The following SLC46A1 variants were observed in gnomAD, a reference collection of about 807,000 sequenced individuals.
SLC46A1 encodes solute carrier family 46 member 1, also known as proton-coupled folate transporter.
In SLC46A1, 17 loss-of-function variants were observed where a neutral mutation model predicts 32.1. The ratio of observed to expected loss-of-function variants is 0.53; its 90% CI spans 0.36 to 0.79. SLC46A1 has a LOEUF of 0.79. Among genes scored for constraint, SLC46A1 ranks in the 30% least tolerant of loss-of-function variants. SLC46A1 has a pLI of 0.00. For missense variants in SLC46A1, 517 were observed against 588.2 expected (o/e 0.88, Z 1.25); for synonymous variants, 240 against 262.7 (o/e 0.91, Z 0.84).
intron 3 of SLC46A1, chr17:28,402,022 G>A (rs1306442293): frequency 1.2e-5 from 6 of 504,894 alleles, no homozygotes; most frequent in Non-Finnish European, 2.1e-5. Flanking sequence ...GTGCTCTGCT[G>A]ACTGCAAATC....
At chr17:28,403,319 C>G (rs1043211623) in intron 2 of SLC46A1, 2 of 152,240 alleles carry the variant, frequency 1.3e-5, no homozygotes, top group South Asian at 2.1e-4. Flanking sequence ...CATAGGGACA[C>G]AGCAAATGGG....
Position 28,405,896 on chromosome 17 carries a change from G to T in SLC46A1, c.219C>A (p.Pro73=), listed in dbSNP as rs997537374. Residue 73 remains proline, a synonymous_variant, in exon 1 of 5, where the codon CCC becomes CCA. Coordinates refer to ENST00000612814, the MANE Select transcript of SLC46A1 (RefSeq NM_080669.6). ...CTCGCCGCCCCGCTACCTGCATGGT[G>T]GGGTCCGCGCTGCGGTTGCTGCAGC... ...RGGCSNRSAD[P]TMQEVETLTS... is the part of the protein sequence containing the mutation. The T allele has an allele frequency of 6.3e-7, 1 of 1,593,020 alleles. No homozygotes were observed. Among genetic ancestry groups the T allele is most frequent in the East Asian group, 2.3e-5 (1 of 43,932 alleles).
At chr17:28,400,221 A>G (rs1217464676) in intron 4 of SLC46A1, 11 of 260,196 alleles carry the variant, frequency 4.2e-5, no homozygotes, top group African/African-American at 2.4e-4. Context: ...AATATCATAC[A>G]GGAAAAAGTC....
chr17:28,402,407 C>T, intron 2 of SLC46A1, 86 bp from the exon 3 acceptor site: 5 of 1,179,772 alleles, frequency 4.2e-6, no homozygotes, highest in Non-Finnish European at 6.2e-6. Flanking sequence ...TATCCATACC[C>T]CACGTGGGGC....
At position 28,395,713 on chromosome 17, in the gene SLC46A1, A is replaced by C; in HGVS notation, c.*3943T>G. The C allele has an allele frequency of 5.1e-6, 3 of 593,464 alleles. No individual in the cohort carries two copies. Among genetic ancestry groups the C allele is most frequent in the East Asian group, 2.9e-5 (1 of 34,680 alleles). 36.8% of individuals were successfully genotyped at this position (593,464 alleles called of 1,614,324 possible). On this transcript the variant is annotated 3_prime_UTR_variant, in exon 5 of 5. Coordinates refer to ENST00000612814, the MANE Select transcript of SLC46A1 (RefSeq NM_080669.6). ...AGGGTTTTAGCAGCTCTGTGCCAGG[A>C]ACTCTGGGCAAAGGAAAAATATTTA...
Position 28,396,571 on chromosome 17 carries a change from G to T in SLC46A1, c.*3085C>A. The T allele has an allele frequency of 2.3e-6, 1 of 439,660 alleles. No homozygotes were observed. The highest frequency in any genetic ancestry group is 4.1e-6 in the Non-Finnish European group (1 of 241,746). The allele number at this position is 439,660 out of a possible 1,614,324, so 27.2% of individuals were successfully genotyped here. On this transcript the variant is annotated 3_prime_UTR_variant, in exon 5 of 5. Transcript: ENST00000612814. ...ATGGGGAGGGTCCCTGCTCAGTTCT[G>T]GAGACACTGGAGTTGGGGTGGGGGT... is the stretch of plus-strand genomic sequence containing the variant.
In SLC46A1 at chr17:28,404,857, C is replaced by T. The variant is rs1555590533; in HGVS notation, c.840G>A (p.Val280=). ...TTAAGATGTCCTGGGCCCCAAAGTG[C>T]ACAGTGATCACCACGAAGATGGCCA... ...YSLAIFVVIT[V]HFGAQDILTL... is the part of the protein sequence containing the mutation. Residue 280 remains valine (V), a synonymous_variant, in exon 2 of 5, where the codon GTG becomes GTA. Coordinates refer to ENST00000612814, the MANE Select transcript of SLC46A1 (RefSeq NM_080669.6). 6.2e-7 allele frequency: 1 copy of T among 1,613,994 alleles called. No homozygotes were observed. The highest frequency in any genetic ancestry group is 1.1e-5 in the South Asian group (1 of 91,088).
chr17:28,406,135 T>C lies in SLC46A1; in HGVS notation c.-21A>G. 7.3e-7 allele frequency: 1 copy of C among 1,366,046 alleles called. No individual in the cohort carries two copies. Among genetic ancestry groups the C allele is most frequent in the Non-Finnish European group, 9.4e-7 (1 of 1,062,336 alleles). 84.6% of individuals were successfully genotyped at this position (1,366,046 alleles called of 1,614,324 possible). Reference sequence around the variant, plus strand: ...TCCATGTGCGTGCGCGGCGGAGCTGTCGCCAGGCGGGCGGCGGGGCGCGCG... The same window carrying C: ...TCCATGTGCGTGCGCGGCGGAGCTGCCGCCAGGCGGGCGGCGGGGCGCGCG... On this transcript the variant is annotated 5_prime_UTR_variant, in exon 1 of 5. Coordinates refer to ENST00000612814, the MANE Select transcript of SLC46A1 (RefSeq NM_080669.6). The surrounding 1 kb of genome is among the most constrained non-coding windows in gnomAD (Gnocchi z 4.5).
rs2068242036 is a variant in SLC46A1, at chr17:28,405,140, GC to G, written c.556del (p.Ala186ProfsTer34). The G allele has an allele frequency of 6.2e-7, 1 of 1,612,328 alleles. No homozygotes were observed. Among genetic ancestry groups the G allele is most frequent in the Non-Finnish European group, 8.5e-7 (1 of 1,179,020 alleles). On this transcript the variant is annotated frameshift_variant, in exon 2 of 5. Transcript: ENST00000612814. LOFTEE classifies it high-confidence loss of function. ...SRTFRMALLEASIGVAGMLAS... is the reference protein window; with the variant it reads ...SRTFRMALLEXSIGVAGMLAS... Reference sequence around the variant, plus strand: ...CAGCATCCCAGCCACCCCGATGCTGGCTTCCAGCAGGGCCATCCGGAAGGTG... The same window carrying G: ...CAGCATCCCAGCCACCCCGATGCTGGTTCCAGCAGGGCCATCCGGAAGGTG...
Position 28,396,789 on chromosome 17 carries a change from T to G in SLC46A1, c.*2867A>C. 1 of 157,822 alleles carries G rather than the reference T, an allele frequency of 6.3e-6. No homozygotes were observed. Among genetic ancestry groups the G allele is most frequent in the Non-Finnish European group, 1.4e-5 (1 of 71,540 alleles). The allele number at this position is 157,822 out of a possible 1,614,324, so 9.8% of individuals were successfully genotyped here. A position where few individuals can be genotyped will look rare whatever the true frequency, so the allele number is the denominator to read the frequency against. ...CTCAGACTGTGCCTGGCCCCTGCAC[T>G]TACAACTTCCTGCCGCTCTGTGGCC... On this transcript the variant is annotated 3_prime_UTR_variant, in exon 5 of 5. Coordinates refer to ENST00000612814, the MANE Select transcript of SLC46A1 (RefSeq NM_080669.6).
At position 28,398,711 on chromosome 17, in the gene SLC46A1, T is replaced by A. The variant is rs1392752626; in HGVS notation, c.*945A>T. The A allele has an allele frequency of 6.6e-6, 1 of 152,308 alleles. No individual in the cohort carries two copies. The highest frequency in any genetic ancestry group is 1.9e-4 in the East Asian group (1 of 5,206). 9.4% of individuals were successfully genotyped at this position (152,308 alleles called of 1,614,324 possible). On this transcript the variant is annotated 3_prime_UTR_variant, in exon 5 of 5. Transcript: ENST00000612814. ...CTCATTCATCCTTTCCCCAGGCCCA[T>A]GAAGAGAGGCATCTCATTGTAGAAT... is the stretch of plus-strand genomic sequence containing the variant.
intron 2 of SLC46A1, 79 bp downstream of exon 2, chr17:28,404,537 C>A: frequency 3.2e-6 from 5 of 1,553,154 alleles, no homozygotes; most frequent in Non-Finnish European, 4.4e-6. Flanking sequence ...TGAACCACAT[C>A]TGGGGGCAGT....
At chr17:28,403,531 C>A (rs192316433) in intron 2 of SLC46A1, 2 of 152,204 alleles carry the variant, frequency 1.3e-5, no homozygotes, top group Non-Finnish European at 2.9e-5. Flanking sequence ...TGAGACCTCC[C>A]CCCGACCCAG....
At position 28,399,736 on chromosome 17, in the gene SLC46A1, T is replaced by G. The variant is rs1203032143; in HGVS notation, c.1323-23A>C. On this transcript the variant is annotated intron_variant, in intron 4 of 4. Coordinates refer to ENST00000612814, the MANE Select transcript of SLC46A1 (RefSeq NM_080669.6). ...ATCCTGTGAGAGACCAGAGAGAGAG[T>G]TTGGATTTCATGTGGGGAACCCTCA... The G allele has an allele frequency of 1.9e-6, 3 of 1,613,030 alleles. No homozygotes were observed. In the African/African-American group the frequency reaches 4.0e-5, roughly 22 times the overall value.
rs1385989185 is a variant in SLC46A1, at chr17:28,395,755, A to G, written c.*3901T>C. 2.7e-6 allele frequency: 2 copies of G among 746,946 alleles called. No individual in the cohort carries two copies. The highest frequency in any genetic ancestry group is 4.5e-6 in the Non-Finnish European group (2 of 448,324). 46.3% of individuals were successfully genotyped at this position (746,946 alleles called of 1,614,324 possible). Reference sequence around the variant, plus strand: ...AAATATTTATTTTTTATTACACTACAAGGGTTAAGGTAGACATCAAGGTGG... The same window carrying G: ...AAATATTTATTTTTTATTACACTACGAGGGTTAAGGTAGACATCAAGGTGG... On this transcript the variant is annotated 3_prime_UTR_variant, in exon 5 of 5. Coordinates refer to ENST00000612814, the MANE Select transcript of SLC46A1 (RefSeq NM_080669.6).
At position 28,399,458 on chromosome 17, in the gene SLC46A1, T is replaced by C; in HGVS notation, c.*198A>G. ...TGCAGTGGGCCTGTGTGGGTTATGA[T>C]TCTAGATCCTAGACAGAGGCTGGGT... On this transcript the variant is annotated 3_prime_UTR_variant, in exon 5 of 5. Transcript: ENST00000612814. The C allele has an allele frequency of 1.7e-6, 1 of 602,714 alleles. No homozygotes were observed. Among genetic ancestry groups the C allele is most frequent in the Non-Finnish European group, 2.9e-6 (1 of 339,170 alleles). The allele number at this position is 602,714 out of a possible 1,614,324, so 37.3% of individuals were successfully genotyped here.
chr17:28,405,272 C>T lies in SLC46A1; in HGVS notation c.425G>A (p.Gly142Asp). Residue 142 changes from glycine (G) to aspartate (D), a missense_variant, in exon 2 of 5, where the codon GGC becomes GAC. Gly to Asp is a moderately conservative substitution (Grantham distance 94). Coordinates refer to ENST00000612814, the MANE Select transcript of SLC46A1 (RefSeq NM_080669.6). ...AAGGATGCGACCCAGCACGAAGTAG[C>T]CGACGTGGAGCTGCAGCTGCACCAC... ...VFVVQLQLHV[G>D]YFVLGRILCA... 6.3e-7 allele frequency: 1 copy of T among 1,584,996 alleles called. No homozygotes were observed. Among genetic ancestry groups the T allele is most frequent in the Non-Finnish European group, 8.6e-7 (1 of 1,166,246 alleles).
At position 28,399,617 on chromosome 17, in the gene SLC46A1, C is replaced by CT; in HGVS notation, c.*38dup. The CT allele has an allele frequency of 6.2e-6, 10 of 1,611,704 alleles. No individual in the cohort carries two copies. The highest frequency in any genetic ancestry group is 8.5e-6 in the Non-Finnish European group (10 of 1,177,958). On this transcript the variant is annotated 3_prime_UTR_variant, in exon 5 of 5. Transcript: ENST00000612814. ...CAGACCTCCAGTTGCTTGGTGTTCA[C>CT]TTTGCTCCTCTTGCCCTCTGTCTTC...
chr17:28,400,437 A>G, intron 4 of SLC46A1, 173 bp downstream of exon 4: 1 of 779,646 alleles, frequency 1.3e-6, no homozygotes, highest in Non-Finnish European at 2.0e-6. Flanking sequence ...GCCCTTGGAA[A>G]ATGGCTCCTG....
Sources: allele counts gnomAD v4.1 joint callset, GRCh38; gene constraint gnomAD v4.1.1; non-coding constraint Gnocchi (gnomAD v3.1); transcripts MANE v1.5; gene names NCBI Gene and HGNC (gene_info 2026-07-23, HGNC 2026-07-21).